The following RALYL variants were observed in gnomAD, a reference collection of about 807,000 sequenced individuals.
RALYL encodes RNA-binding Raly-like protein.
In RALYL, 29 loss-of-function variants were observed where a neutral mutation model predicts 35.1. That is an observed-to-expected ratio of 0.83 (90% CI 0.61 to 1.13). The LOEUF is 1.13. Ranked by LOEUF, RALYL falls within the 50% of genes most tolerant of loss-of-function variation. The pLI, the probability that RALYL is intolerant of heterozygous loss-of-function variation, is 0.00. For synonymous variants in RALYL, 120 were observed against 127.6 expected, an observed-to-expected ratio of 0.94 and a Z score of 0.40; for missense variants, 359 against 360.4, an observed-to-expected ratio of 1.00 and a Z score of 0.03.
chr8:84,626,889 C>A (rs1822846403), intron 2 of RALYL, among the ~76,000 whole-genome samples: 1 of 152,120 alleles, frequency 6.6e-6, no homozygotes, highest in Non-Finnish European at 1.5e-5. Flanking sequence ...GGTAGAGCAC[C>A]TTACAGTTTG....
At chr8:84,868,040 T>C (rs1252970713) in intron 6 of RALYL, among the ~76,000 whole-genome samples, 1 of 152,100 alleles carries the variant, frequency 6.6e-6, no homozygotes, top group East Asian at 1.9e-4. Context: ...GTTACATGTT[T>C]CTTGTCTGTC....
intron 1 of RALYL, among the ~76,000 whole-genome samples, chr8:84,231,710 A>G (rs1029758714): frequency 6.6e-6 from 1 of 152,156 alleles, no homozygotes; most frequent in African/African-American, 2.4e-5. Flanking sequence ...ACATCTGCAA[A>G]TATCTCTGTA....
At chr8:84,587,625 A>G (rs1394240207) in intron 2 of RALYL, among the ~76,000 whole-genome samples, 1 of 152,208 alleles carries the variant, frequency 6.6e-6, no homozygotes, top group Non-Finnish European at 1.5e-5. Flanking sequence ...AGCCAAAATT[A>G]AGGATTTTTT....
At chr8:84,401,222 C>A (rs1007095229) in intron 1 of RALYL, among the ~76,000 whole-genome samples, 3 of 152,012 alleles carry the variant, frequency 2.0e-5, no homozygotes, top group African/African-American at 7.2e-5. Context: ...GCTTTCTTTT[C>A]TTCTTCTTTT....
At chr8:84,408,638 A>G (rs886744682) in intron 1 of RALYL, among the ~76,000 whole-genome samples, 7 of 152,158 alleles carry the variant, frequency 4.6e-5, no homozygotes, top group African/African-American at 7.2e-5. Context: ...GGGCTCTTCC[A>G]TCTTCAACAG....
At chr8:84,326,898 G>C (rs1435203518) in intron 1 of RALYL, among the ~76,000 whole-genome samples, 1 of 152,050 alleles carries the variant, frequency 6.6e-6, no homozygotes, top group Non-Finnish European at 1.5e-5. Flanking sequence ...TTTATTCTAG[G>C]CATCCATGTA....
At chr8:84,419,194 TCTC>T (rs1373398527) in intron 1 of RALYL, among the ~76,000 whole-genome samples, 1 of 152,154 alleles carries the variant, frequency 6.6e-6, no homozygotes, top group African/African-American at 2.4e-5. Context: ...ATTCTTGTGG[TCTC>T]CTTGTATATT....
At chr8:84,643,067 G>A (rs1826726148) in intron 2 of RALYL, among the ~76,000 whole-genome samples, 1 of 151,846 alleles carries the variant, frequency 6.6e-6, no homozygotes, top group African/African-American at 2.4e-5. Context: ...GAAAGAGAGA[G>A]AGTAGGGCCC....
At chr8:84,270,554 G>A (rs897841975) in intron 1 of RALYL, among the ~76,000 whole-genome samples, 1 of 16,980 alleles carries the variant, frequency 5.9e-5, no homozygotes, top group Non-Finnish European at 1.2e-4. Context: ...CATGAAATTC[G>A]TGTGTGTGTG....
At chr8:84,644,759 A>C (rs61382854) in intron 2 of RALYL, among the ~76,000 whole-genome samples, 2,555 of 131,196 alleles carry the variant, frequency 0.019, 81 homozygotes, top group African/African-American at 0.067. Flanking sequence ...TCTTCTTCTT[A>C]TTATTTTTTT....
At chr8:84,400,682 G>A (rs2042801231) in intron 1 of RALYL, among the ~76,000 whole-genome samples, 1 of 152,106 alleles carries the variant, frequency 6.6e-6, no homozygotes, top group African/African-American at 2.4e-5. Flanking sequence ...CAAGGGACTT[G>A]GGATGAAGTG....
chr8:84,329,647 T>C (rs923017549), intron 1 of RALYL, among the ~76,000 whole-genome samples: 1 of 152,080 alleles, frequency 6.6e-6, no homozygotes, highest in Non-Finnish European at 1.5e-5. Context: ...GTTTTACTTG[T>C]ATAATTTTTC....
intron 2 of RALYL, among the ~76,000 whole-genome samples, chr8:84,682,681 G>A (rs949277349): frequency 5.9e-5 from 9 of 151,928 alleles, no homozygotes; most frequent in African/African-American, 2.2e-4. Flanking sequence ...GGGATCAGTG[G>A]TGATATCCCC....
chr8:84,704,844 C>T (rs996932182), intron 2 of RALYL, among the ~76,000 whole-genome samples: 1 of 152,128 alleles, frequency 6.6e-6, no homozygotes, highest in Admixed American at 6.5e-5. Flanking sequence ...AACAATGCTT[C>T]TATGAAGAGT....
intron 1 of RALYL, among the ~76,000 whole-genome samples, chr8:84,343,212 A>T (rs1849181686): frequency 6.6e-6 from 1 of 152,134 alleles, no homozygotes; most frequent in Non-Finnish European, 1.5e-5. Context: ...TTATACTATT[A>T]ATGAGTTATA....
At chr8:84,469,535 G>C (rs1163809507) in intron 1 of RALYL, among the ~76,000 whole-genome samples, 10 of 152,184 alleles carry the variant, frequency 6.6e-5, no homozygotes, top group African/African-American at 7.2e-5. Context: ...GAGAACCACT[G>C]CTCTCTTCAA....
chr8:84,428,927 A>G (rs1248500858), intron 1 of RALYL, among the ~76,000 whole-genome samples: 1 of 152,156 alleles, frequency 6.6e-6, no homozygotes. Flanking sequence ...TACTATTTCA[A>G]GGGGAAAAAT....
intron 5 of RALYL, among the ~76,000 whole-genome samples, chr8:84,855,868 C>T (rs181424487): frequency 2.6e-4 from 40 of 152,140 alleles, no homozygotes; most frequent in Non-Finnish European, 5.3e-4. Context: ...ATGTAAAACA[C>T]GTATACATTT....
chr8:84,900,534 C>G (rs961016101), intron 8 of RALYL, among the ~76,000 whole-genome samples: 1 of 151,980 alleles, frequency 6.6e-6, no homozygotes, highest in Non-Finnish European at 1.5e-5. Flanking sequence ...AAAAAATTAG[C>G]CAATCATGGT....
Sources: allele counts gnomAD v4.1 joint callset (sites outside exome capture counted in the v4.1 genomes callset), GRCh38; gene constraint gnomAD v4.1.1; transcripts MANE v1.5; gene names NCBI Gene and HGNC (gene_info 2026-07-23, HGNC 2026-07-21).